Variants in MMP26 observed in about 807,000 individuals in gnomAD.
The protein encoded by MMP26 is matrix metallopeptidase 26.
Under a neutral mutation model 31.0 loss-of-function variants are expected in MMP26, and 33 were observed. The ratio of observed to expected loss-of-function variants is 1.06; its 90% CI spans 0.81 to 1.42. MMP26 has a LOEUF of 1.42. MMP26 is among the 40% of genes most tolerant of loss of function. MMP26 has a pLI of 0.00. For synonymous variants in MMP26, 122 were observed against 114.9 expected (o/e 1.06, Z -0.40); for missense variants, 347 against 316.1 (o/e 1.10, Z -0.74).
At chr11:4,843,918 A>C (rs1326859125) in intron 2 of MMP26, among the ~76,000 whole-genome samples, 1 of 152,216 alleles carries the variant, frequency 6.6e-6, no homozygotes, top group Non-Finnish European at 1.5e-5. Context: ...ATAAATAATA[A>C]AGATCAGAGC....
intron 2 of MMP26, among the ~76,000 whole-genome samples, chr11:4,793,003 A>G (rs1308802671): frequency 6.6e-6 from 1 of 152,188 alleles, no homozygotes; most frequent in Non-Finnish European, 1.5e-5. Context: ...ATCTCAAGTG[A>G]AACAAGACTT....
At chr11:4,782,574 A>C (rs1013830019) in intron 2 of MMP26, among the ~76,000 whole-genome samples, 36 of 152,236 alleles carry the variant, frequency 2.4e-4, no homozygotes, top group African/African-American at 8.2e-4. Context: ...TTTTCTGAGG[A>C]GAAATCCAAG....
chr11:4,791,255 C>T (rs1564910384), intron 2 of MMP26, among the ~76,000 whole-genome samples: 3 of 152,190 alleles, frequency 2.0e-5, no homozygotes, highest in African/African-American at 4.8e-5. Flanking sequence ...AGAAGTGGGA[C>T]ATAATATTCC....
intron 2 of MMP26, among the ~76,000 whole-genome samples, chr11:4,783,152 A>T (rs1848887866): frequency 6.6e-6 from 1 of 152,204 alleles, no homozygotes; most frequent in African/African-American, 2.4e-5. Context: ...AGTAGCTTGC[A>T]CCGTGCTCCT....
intron 2 of MMP26, among the ~76,000 whole-genome samples, chr11:4,934,253 A>G (rs913772851): frequency 2.7e-5 from 4 of 150,608 alleles, no homozygotes; most frequent in African/African-American, 4.9e-5. Flanking sequence ...CTGACTCTTT[A>G]ATGATTGCCA....
At chr11:4,855,795 G>A (rs536124053) in intron 2 of MMP26, among the ~76,000 whole-genome samples, 6 of 152,150 alleles carry the variant, frequency 3.9e-5, no homozygotes, top group African/African-American at 7.2e-5. Flanking sequence ...TTGAAATGAC[G>A]GGAAAAATGT....
At chr11:4,844,661 C>G (rs565091438) in intron 2 of MMP26, among the ~76,000 whole-genome samples, 2 of 152,048 alleles carry the variant, frequency 1.3e-5, no homozygotes, top group African/African-American at 4.8e-5. Flanking sequence ...AGGATAAAAA[C>G]CATATGATCA....
At chr11:4,782,366 T>A (rs1848876508) in intron 2 of MMP26, among the ~76,000 whole-genome samples, 1 of 152,168 alleles carries the variant, frequency 6.6e-6, no homozygotes, top group Non-Finnish European at 1.5e-5. Context: ...TGGTGGTAAT[T>A]TGCCCCACCC....
intron 2 of MMP26, among the ~76,000 whole-genome samples, chr11:4,980,893 C>T (rs900555374): frequency 2.6e-5 from 4 of 151,832 alleles, no homozygotes; most frequent in Admixed American, 6.6e-5. Context: ...GCTTAGCATA[C>T]ACAATGAAGA....
intron 2 of MMP26, among the ~76,000 whole-genome samples, chr11:4,980,109 G>A (rs1024659122): frequency 4.6e-5 from 7 of 152,016 alleles, no homozygotes; most frequent in African/African-American, 1.7e-4. Context: ...GTATTGCCCA[G>A]TAGAATAATC....
rs148849151 is a variant in MMP26 at position 4,766,857 on chromosome 11, C to T, written c.-216-413C>T. ...AATTTTCTGCTGGTGGCTGTGCTAT[C>T]GGTTCGGAATATTGCGATGAGTGCT... is the stretch of plus-strand genomic sequence containing the variant. On this transcript the variant is annotated intron_variant, in intron 1 of 7. Coordinates refer to ENST00000380390, the MANE Select transcript of MMP26 (RefSeq NM_021801.5). Among the ~76,000 whole-genome samples the T allele has an allele frequency of 3.0e-3, 460 of 151,702 alleles. 5 individuals are homozygous for T. Among genetic ancestry groups the T allele is most frequent in the Non-Finnish European group, 3.9e-3 (268 of 67,990 alleles).
chr11:4,844,794 A>G (rs907926140), intron 2 of MMP26, among the ~76,000 whole-genome samples: 1 of 152,162 alleles, frequency 6.6e-6, no homozygotes, highest in Non-Finnish European at 1.5e-5. Flanking sequence ...CAGACCCACA[A>G]CTAGTATCAC....
rs746261222 is a variant in MMP26, at chr11:4,989,826, C to T, written c.278C>T (p.Ser93Leu). 4.3e-6 allele frequency: 7 copies of T among 1,612,338 alleles called. No homozygotes were observed. The highest frequency in any genetic ancestry group is 1.6e-4 in the Middle Eastern group (1 of 6,084). The change falls in exon 4 of 8, where the codon TCG becomes TTG. Residue 93 changes from serine (S) to leucine (L), a missense_variant. Coordinates refer to ENST00000380390, the MANE Select transcript of MMP26 (RefSeq NM_021801.5). ...CCTGATGGGTCCGACACCTCCATCT[C>T]GCCAGGAAGATGCAAGTGGAATAAG... The part of the protein sequence containing the change: ...GVPDGSDTSI[S>L]PGRCKWNKHT...
At chr11:4,915,677 A>C (rs1448252034) in intron 2 of MMP26, 1 of 1,592,622 alleles carries the variant, frequency 6.3e-7, no homozygotes, top group Non-Finnish European at 8.6e-7. Flanking sequence ...GTGAGGAGAC[A>C]AGGGGGAAGG....
At chr11:4,770,818 G>A (rs1056602391) in intron 2 of MMP26, among the ~76,000 whole-genome samples, 1 of 152,042 alleles carries the variant, frequency 6.6e-6, no homozygotes, top group Non-Finnish European at 1.5e-5. Flanking sequence ...ACTCCAGCCT[G>A]GTGACAGTGA....
chr11:4,795,965 C>A (rs1849102888), intron 2 of MMP26, among the ~76,000 whole-genome samples: 1 of 152,108 alleles, frequency 6.6e-6, no homozygotes, highest in African/African-American at 2.4e-5. Flanking sequence ...GAACTGGGGC[C>A]AGTTCTATGC....
At chr11:4,967,310 C>G (rs1589820908) in intron 2 of MMP26, among the ~76,000 whole-genome samples, 1 of 152,198 alleles carries the variant, frequency 6.6e-6, no homozygotes, top group African/African-American at 2.4e-5. Flanking sequence ...AGTCTGGTCT[C>G]ATTAGATTTG....
intron 2 of MMP26, among the ~76,000 whole-genome samples, chr11:4,911,829 G>C (rs773507298): frequency 2.6e-5 from 4 of 152,144 alleles, no homozygotes; most frequent in Non-Finnish European, 5.9e-5. Flanking sequence ...GCTGTTGTCT[G>C]TCTCTACCAC....
chr11:4,765,588 C>A (rs540964017), intron 1 of MMP26, among the ~76,000 whole-genome samples: 2 of 152,270 alleles, frequency 1.3e-5, no homozygotes, highest in South Asian at 2.1e-4. Flanking sequence ...CTGTGATAAT[C>A]GTAGCTCTGG....
Sources: allele counts gnomAD v4.1 joint callset (sites outside exome capture counted in the v4.1 genomes callset), GRCh38; gene constraint gnomAD v4.1.1; transcripts MANE v1.5; gene names NCBI Gene and HGNC (gene_info 2026-07-23, HGNC 2026-07-21).